Variants in GLIS3 observed in about 807,000 individuals in gnomAD.
The protein encoded by GLIS3 is GLIS family zinc finger 3.
GLIS3 carries 53 observed loss-of-function variants against 78.6 expected under a neutral mutation model. That is an observed-to-expected ratio of 0.67 (90% CI 0.54 to 0.85). The LOEUF is 0.85. Among genes scored for constraint, GLIS3 ranks in the 40% least tolerant of loss-of-function variants. The pLI, the probability that GLIS3 is intolerant of heterozygous loss-of-function variation, is 0.00. For synonymous variants in GLIS3, 684 were observed against 509.9 expected, an observed-to-expected ratio of 1.34 and a Z score of -4.60; for missense variants, 1,703 against 1,231.1, an observed-to-expected ratio of 1.38 and a Z score of -5.74.
chr9:4,391,121 C>T, the GLIS3 span, among the ~76,000 whole-genome samples: 1 of 152,136 alleles, frequency 6.6e-6, no homozygotes, highest in Admixed American at 6.5e-5. Flanking sequence ...CTAGACCCAG[C>T]CACCTCTTCA....
chr9:3,953,046 G>A (rs926792759), intron 4 of GLIS3, among the ~76,000 whole-genome samples: 1 of 152,172 alleles, frequency 6.6e-6, no homozygotes, highest in African/African-American at 2.4e-5. Context: ...TCTTGGGCTG[G>A]TGAAGAGTCA....
chr9:4,263,053 A>C (rs1825670382), intron 2 of GLIS3, among the ~76,000 whole-genome samples: 1 of 152,194 alleles, frequency 6.6e-6, no homozygotes, highest in Admixed American at 6.5e-5. Context: ...AGTGCAACCA[A>C]TCAGGAGTAT....
intron 2 of GLIS3, among the ~76,000 whole-genome samples, chr9:4,185,325 G>GAATAAA (rs1428804755): frequency 6.6e-6 from 1 of 152,038 alleles, no homozygotes; most frequent in East Asian, 1.9e-4. Flanking sequence ...CCATTATATG[G>GAATAAA]CTAAACTGTA....
At chr9:4,016,228 G>A (rs1385614744) in intron 4 of GLIS3, among the ~76,000 whole-genome samples, 1 of 152,132 alleles carries the variant, frequency 6.6e-6, no homozygotes, top group Non-Finnish European at 1.5e-5. Context: ...TGGCCACATA[G>A]CACTGTCATC....
intron 3 of GLIS3, among the ~76,000 whole-genome samples, 199 bp from the exon 4 acceptor site, chr9:4,119,080 GAACAATAA>G (rs1381730716): frequency 6.6e-6 from 1 of 152,046 alleles, no homozygotes; most frequent in Non-Finnish European, 1.5e-5. Flanking sequence ...TTACCAAGAA[GAACAATAA>G]AACCTAATGC....
chr9:4,465,697 T>G, the GLIS3 span, among the ~76,000 whole-genome samples: 3 of 152,354 alleles, frequency 2.0e-5, no homozygotes, highest in South Asian at 2.1e-4. Flanking sequence ...AAACATCTTA[T>G]GTATTCCACA....
the GLIS3 span, among the ~76,000 whole-genome samples, chr9:4,431,844 GAA>G: frequency 2.6e-3 from 191 of 73,040 alleles, 1 homozygote; most frequent in East Asian, 0.025. Context: ...AACTCCATCT[GAA>G]AAAAAAAAAA....
intron 4 of GLIS3, among the ~76,000 whole-genome samples, chr9:4,053,270 G>T (rs564569399): frequency 6.6e-6 from 1 of 152,196 alleles, no homozygotes; most frequent in East Asian, 1.9e-4. Flanking sequence ...TTTATAACCG[G>T]TATTAACTAG....
At chr9:4,246,891 T>C (rs1823854410) in intron 2 of GLIS3, among the ~76,000 whole-genome samples, 3 of 152,236 alleles carry the variant, frequency 2.0e-5, no homozygotes, top group Admixed American at 1.3e-4. Flanking sequence ...AATCTCTTAT[T>C]TTCTCCAGGC....
intron 2 of GLIS3, among the ~76,000 whole-genome samples, chr9:4,270,325 C>G (rs550975148): frequency 6.6e-6 from 1 of 152,176 alleles, no homozygotes; most frequent in Admixed American, 6.5e-5. Context: ...TTATCTATTG[C>G]TACATCAAAA....
At chr9:4,121,932 G>C (rs944429579) in intron 3 of GLIS3, among the ~76,000 whole-genome samples, 29 of 152,158 alleles carry the variant, frequency 1.9e-4, no homozygotes, top group African/African-American at 4.8e-4. Context: ...ACCCACACGA[G>C]GCCCACAGCA....
intron 9 of GLIS3, among the ~76,000 whole-genome samples, chr9:3,837,783 G>A (rs1319573948): frequency 6.6e-6 from 1 of 152,206 alleles, no homozygotes; most frequent in Non-Finnish European, 1.5e-5. Context: ...AGGGAAGGAC[G>A]AGCACAGAGG....
the GLIS3 span, among the ~76,000 whole-genome samples, chr9:4,389,038 G>A: frequency 6.6e-6 from 1 of 152,170 alleles, no homozygotes; most frequent in African/African-American, 2.4e-5. Flanking sequence ...GAGCACTTAA[G>A]CCGACTGAGG....
intron 4 of GLIS3, among the ~76,000 whole-genome samples, chr9:4,002,798 C>G (rs1170913639): frequency 6.6e-6 from 1 of 152,106 alleles, no homozygotes; most frequent in Admixed American, 6.6e-5. Context: ...CTTTTGTTTC[C>G]CTGGTGAAAA....
chr9:4,113,604 A>G (rs78986080), intron 4 of GLIS3, among the ~76,000 whole-genome samples: 1,699 of 152,310 alleles, frequency 0.011, 32 homozygotes, highest in African/African-American at 0.037. Context: ...GACCACATCA[A>G]CACTGAGTCT....
intron 2 of GLIS3, among the ~76,000 whole-genome samples, chr9:4,168,419 T>A (rs946586258): frequency 2.0e-5 from 3 of 152,148 alleles, no homozygotes; most frequent in Admixed American, 6.5e-5. Flanking sequence ...ACAGACTACA[T>A]CTGAATGGTT....
chr9:4,220,663 C>T (rs1004261494), intron 2 of GLIS3, among the ~76,000 whole-genome samples: 1 of 151,098 alleles, frequency 6.6e-6, no homozygotes, highest in Non-Finnish European at 1.5e-5. Context: ...GAGGCTGAGG[C>T]AGTAGGGTTG....
intron 6 of GLIS3, among the ~76,000 whole-genome samples, chr9:3,914,532 C>T (rs1206376245): frequency 6.6e-6 from 1 of 152,130 alleles, no homozygotes; most frequent in Non-Finnish European, 1.5e-5. Flanking sequence ...ACACTATTCA[C>T]ATTTATATGT....
chr9:4,321,971 T>C (rs932746482), intron 2 of GLIS3, among the ~76,000 whole-genome samples: 2 of 152,130 alleles, frequency 1.3e-5, no homozygotes, highest in African/African-American at 4.8e-5. Flanking sequence ...GTTGGTGAGC[T>C]GCACCCATTA....
Sources: gnomAD v4.1 joint callset for allele counts (sites outside exome capture counted in the v4.1 genomes callset) on GRCh38, gnomAD v4.1.1 for gene constraint, MANE v1.5 for transcripts, NCBI Gene and HGNC (gene_info 2026-07-23, HGNC 2026-07-21) for gene names.